Variants in MCTP1 observed in about 807,000 individuals in gnomAD.
The protein encoded by MCTP1 is multiple C2 and transmembrane domain containing 1, also known as multiple C2 and transmembrane domain-containing protein 1.
MCTP1 carries 69 observed loss-of-function variants against 120.6 expected under a neutral mutation model. The ratio of observed to expected loss-of-function variants is 0.57; its 90% CI spans 0.47 to 0.70. The LOEUF is 0.70. Ranked by LOEUF, MCTP1 falls within the 30% of genes least tolerant of loss-of-function variation. The pLI is 0.00. For missense variants in MCTP1, 1,203 were observed against 1,248.8 expected, an observed-to-expected ratio of 0.96 and a Z score of 0.55; for synonymous variants, 529 against 493.1, an observed-to-expected ratio of 1.07 and a Z score of -0.96.
chr5:94,742,180 G>A (rs1411758759), intron 19 of MCTP1, among the ~76,000 whole-genome samples: 1 of 152,102 alleles, frequency 6.6e-6, no homozygotes, highest in Non-Finnish European at 1.5e-5. Flanking sequence ...ATAGCAGAAA[G>A]TGAAAAAGAA....
At chr5:95,075,366 G>A (rs1753276712) in intron 1 of MCTP1, among the ~76,000 whole-genome samples, 4 of 152,108 alleles carry the variant, frequency 2.6e-5, no homozygotes, top group African/African-American at 9.7e-5. Flanking sequence ...TCTCTATAAT[G>A]ATGTTTGGTT....
At chr5:94,860,890 T>C (rs1010893120) in intron 17 of MCTP1, among the ~76,000 whole-genome samples, 21 of 151,356 alleles carry the variant, frequency 1.4e-4, no homozygotes, top group Admixed American at 1.4e-3. Flanking sequence ...AAAAAAAATA[T>C]AGAGAAACAC....
At chr5:95,264,742 C>T (rs1242673540) in intron 1 of MCTP1, among the ~76,000 whole-genome samples, 1 of 152,220 alleles carries the variant, frequency 6.6e-6, no homozygotes, top group Non-Finnish European at 1.5e-5. Context: ...CAATGTCACT[C>T]ACTGCCAAGC....
intron 19 of MCTP1, among the ~76,000 whole-genome samples, chr5:94,720,250 A>G (rs1295078484): frequency 6.6e-6 from 1 of 152,024 alleles, no homozygotes; most frequent in African/African-American, 2.4e-5. Flanking sequence ...CTTTCTAAAC[A>G]TACAAAAAAT....
chr5:94,976,671 T>G (rs1303484965), intron 2 of MCTP1: 3 of 152,104 alleles, frequency 2.0e-5, no homozygotes, highest in Non-Finnish European at 4.4e-5. Context: ...AAAAACATTC[T>G]TATTTTTTCC....
At chr5:95,001,684 T>C (rs1258579545) in intron 2 of MCTP1, among the ~76,000 whole-genome samples, 1 of 152,170 alleles carries the variant, frequency 6.6e-6, no homozygotes, top group Non-Finnish European at 1.5e-5. Flanking sequence ...TTAGGGTATC[T>C]GGCAGAAGAA....
At chr5:95,246,113 C>A (rs879705065) in intron 1 of MCTP1, among the ~76,000 whole-genome samples, 2 of 152,128 alleles carry the variant, frequency 1.3e-5, no homozygotes, top group Non-Finnish European at 2.9e-5. Flanking sequence ...AAATCCTTTA[C>A]AGACAAGAAA....
Position 95,156,281 on chromosome 5 carries a change from G to A in MCTP1, c.720+127575C>T, listed in dbSNP as rs145340398. ...TTGCTAAGTGGTAATTTGTTACACC[G>A]GAAGAGAAGACTAATGACCAGCATT... On this transcript the variant is annotated intron_variant, in intron 1 of 22. Transcript: ENST00000515393. 7.5e-4 allele frequency among the ~76,000 whole-genome samples: 114 copies of A among 152,282 alleles called. 2 individuals carry two copies. Among genetic ancestry groups the A allele is most frequent in the Non-Finnish European group, 1.1e-3 (77 of 68,026 alleles).
chr5:95,048,883 T>C (rs1314080761), intron 1 of MCTP1, among the ~76,000 whole-genome samples: 1 of 152,188 alleles, frequency 6.6e-6, no homozygotes, highest in Non-Finnish European at 1.5e-5. Context: ...AGTCAAATTT[T>C]ATAGCAAAGA....
intron 17 of MCTP1, among the ~76,000 whole-genome samples, chr5:94,852,666 C>G (rs945258716): frequency 6.6e-6 from 1 of 151,928 alleles, no homozygotes; most frequent in African/African-American, 2.4e-5. Context: ...TGTAACAAAA[C>G]TATTTTTCTT....
chr5:94,831,684 C>T (rs1333290387), intron 17 of MCTP1, among the ~76,000 whole-genome samples: 1 of 152,044 alleles, frequency 6.6e-6, no homozygotes, highest in Non-Finnish European at 1.5e-5. Flanking sequence ...ATGAAATTTG[C>T]TAAGCTTTAA....
chr5:94,931,948 AT>A lies in MCTP1; in HGVS notation c.1212+4del. The A allele has an allele frequency of 6.2e-7, 1 of 1,600,126 alleles. No individual in the cohort carries two copies. The highest frequency in any genetic ancestry group is 8.5e-7 in the Non-Finnish European group (1 of 1,169,804). On this transcript the variant is annotated splice_donor_region_variant and intron_variant, in intron 6 of 22. Coordinates refer to ENST00000515393, the MANE Select transcript of MCTP1 (RefSeq NM_024717.7). ...AAAGCTGAAAGATCACAAGCTAAGA[AT>A]TACCTTACTTGATCTTTTCCAACTC...
chr5:94,815,076 T>A (rs1784238154), intron 17 of MCTP1, among the ~76,000 whole-genome samples: 1 of 152,146 alleles, frequency 6.6e-6, no homozygotes, highest in South Asian at 2.1e-4. Flanking sequence ...ATTTTTCCGG[T>A]CAGCAACAGT....
At chr5:94,867,324 G>A in intron 17 of MCTP1, 1 of 1,532,574 alleles carries the variant, frequency 6.5e-7, no homozygotes, top group Non-Finnish European at 8.7e-7. Flanking sequence ...ACAACACAAA[G>A]GGACGTAGAC....
intron 1 of MCTP1, among the ~76,000 whole-genome samples, chr5:95,279,796 T>G (rs767380701): frequency 2.6e-5 from 4 of 152,226 alleles, no homozygotes; most frequent in Non-Finnish European, 5.9e-5. Flanking sequence ...CCGAGCACTT[T>G]TCATGAATGC....
chr5:94,982,395 T>C (rs766423505), intron 2 of MCTP1, among the ~76,000 whole-genome samples: 1 of 152,184 alleles, frequency 6.6e-6, no homozygotes, highest in Non-Finnish European at 1.5e-5. Context: ...ACTTATGGTG[T>C]ATCGAGCACA....
At chr5:95,166,658 C>T (rs1448924569) in intron 1 of MCTP1, among the ~76,000 whole-genome samples, 1 of 150,552 alleles carries the variant, frequency 6.6e-6, no homozygotes, top group African/African-American at 2.4e-5. Flanking sequence ...AGCTCTGCCT[C>T]CCGGGTTCAC....
chr5:94,879,696 C>A (rs1226742790), intron 12 of MCTP1, among the ~76,000 whole-genome samples: 1 of 152,032 alleles, frequency 6.6e-6, no homozygotes, highest in East Asian at 1.9e-4. Context: ...CCTTGGAAAA[C>A]TCCATTGTAC....
chr5:94,954,121 T>C (rs1445240168), intron 2 of MCTP1, among the ~76,000 whole-genome samples: 4 of 95,080 alleles, frequency 4.2e-5, no homozygotes, highest in East Asian at 4.8e-4. Flanking sequence ...TGAATATATA[T>C]ACAAATATAT....
Sources: allele counts gnomAD v4.1 joint callset (sites outside exome capture counted in the v4.1 genomes callset), GRCh38; gene constraint gnomAD v4.1.1; transcripts MANE v1.5; gene names NCBI Gene and HGNC (gene_info 2026-07-23, HGNC 2026-07-21).